The following TPR variants were observed in gnomAD, a reference collection of about 807,000 sequenced individuals.
TPR encodes nucleoprotein TPR.
TPR carries 51 observed loss-of-function variants against 316.1 expected under a neutral mutation model. The ratio of observed to expected loss-of-function variants is 0.16; its 90% CI spans 0.13 to 0.20. TPR has a LOEUF of 0.20. TPR is among the 10% of genes least tolerant of loss of function. TPR has a pLI of 1.00. For synonymous variants in TPR, 981 were observed against 914.7 expected, an observed-to-expected ratio of 1.07 and a Z score of -1.31; for missense variants, 2,272 against 2,754.8, an observed-to-expected ratio of 0.82 and a Z score of 3.92.
Position 186,341,155 on chromosome 1 carries a change from C to T in TPR, c.3893G>A (p.Arg1298Lys). 1.9e-6 allele frequency: 3 copies of T among 1,613,630 alleles called. No homozygotes were observed. Among genetic ancestry groups the T allele is most frequent in the Non-Finnish European group, 2.5e-6 (3 of 1,179,910 alleles). ...GGGTAAAATATCTAACTCCAGTTTC[C>T]TCACCTGAAAATCATGCCAATATTT... is the stretch of plus-strand genomic sequence containing the variant. Reference protein sequence around the residue: ...QDLQQMQAKVRKLELDILPLQ... With the variant: ...QDLQQMQAKVKKLELDILPLQ... Residue 1298 changes from arginine (R) to lysine (K), a missense_variant, in exon 29 of 51, where the codon AGG becomes AAG. Arg to Lys is a conservative substitution (Grantham distance 26). Transcript: ENST00000367478.
At chr1:186,326,019 T>C in intron 41 of TPR, 85 bp downstream of exon 41, 1 of 1,581,254 alleles carries the variant, frequency 6.3e-7, no homozygotes, top group Non-Finnish European at 8.6e-7. Flanking sequence ...GTGAATTTCA[T>C]AAGCCTTTCT....
In TPR at chr1:186,367,166, A is replaced by T. The variant is rs551601352; in HGVS notation, c.427+720T>A. Reference sequence around the variant, plus strand: ...ACTACAACCTCCGGCTCCTGGGTTTAAGCAATTCTCTGCCTCAGCCTACAA... The same window carrying T: ...ACTACAACCTCCGGCTCCTGGGTTTTAGCAATTCTCTGCCTCAGCCTACAA... On this transcript the variant is annotated intron_variant, in intron 4 of 50. Transcript: ENST00000367478. Among the ~76,000 whole-genome samples, 4 of 145,730 alleles carry T rather than the reference A, an allele frequency of 2.7e-5. No individual in the cohort carries two copies. In the East Asian group the frequency reaches 8.2e-4, roughly 30 times the overall value.
In TPR at chr1:186,323,737, G is replaced by T. The variant is rs1245547624; in HGVS notation, c.6246C>A (p.Pro2082=). Residue 2082 remains proline (P), a synonymous_variant, in exon 43 of 51, where the codon CCC becomes CCA. Transcript: ENST00000367478. ...GTGGGGCATGAATGGTCAGTCTTGG[G>T]GGAAGTGGATGTGGTGGGCGTCTCG... The part of the protein sequence containing the change: ...QSPRRPPHPL[P]PRLTIHAPPQ... 2 of 1,537,676 alleles carry T rather than the reference G, an allele frequency of 1.3e-6. No individual in the cohort carries two copies.
Position 186,320,331 on chromosome 1 carries a change from G to A in TPR, c.6549C>T (p.Gly2183=), listed in dbSNP as rs2102051452. ...PQTSSSHSDL[G]QLASQGGLGM... is the part of the protein sequence containing the mutation. ...ATTTACCTCCTTGAGAAGCAAGCTG[G>A]CCAAGATCAGAGTGACTAGAACTTG... is the stretch of plus-strand genomic sequence containing the variant. The change falls in exon 46 of 51, where the codon GGC becomes GGT. Residue 2183 remains glycine (G), a synonymous_variant. Coordinates refer to ENST00000367478, the MANE Select transcript of TPR (RefSeq NM_003292.3). 6.2e-7 allele frequency: 1 copy of A among 1,611,156 alleles called. No individual in the cohort carries two copies. Among genetic ancestry groups the A allele is most frequent in the East Asian group, 2.2e-5 (1 of 44,764 alleles).
At chr1:186,346,025 G>T in intron 23 of TPR, 110 bp downstream of exon 23, 1 of 1,280,176 alleles carries the variant, frequency 7.8e-7, no homozygotes, top group Non-Finnish European at 1.1e-6. Flanking sequence ...TTTTGCCTAT[G>T]TGTTCAATAA....
At chr1:186,374,662 T>C (rs1362422383) in intron 1 of TPR, among the ~76,000 whole-genome samples, 1 of 152,180 alleles carries the variant, frequency 6.6e-6, no homozygotes, top group Admixed American at 6.5e-5. Flanking sequence ...CTACCCTAAC[T>C]ACAAAGAAAA....
intron 31 of TPR, 23 bp downstream of exon 31, chr1:186,338,010 T>A: frequency 1.3e-6 from 2 of 1,532,316 alleles, no homozygotes; most frequent in African/African-American, 2.8e-5. Context: ...TTTTTTTTTG[T>A]AAGATAAGTT....
rs200120213 is a variant in TPR, at chr1:186,355,593, G to A, written c.2023-35C>T. 698 of 1,613,366 alleles carry A rather than the reference G, an allele frequency of 4.3e-4. 9 individuals carry two copies. The highest frequency in any genetic ancestry group is 2.5e-4 in the Admixed American group (15 of 59,862). Reference sequence around the variant, plus strand: ...GGAGATTATGAGAAGGTAACACTGTGTTCTCTAAAAACCTAACCCAGGACA... The same window carrying A: ...GGAGATTATGAGAAGGTAACACTGTATTCTCTAAAAACCTAACCCAGGACA... On this transcript the variant is annotated intron_variant, in intron 16 of 50. Coordinates refer to ENST00000367478, the MANE Select transcript of TPR (RefSeq NM_003292.3).
At chr1:186,372,749 A>G (rs1659574035) in intron 2 of TPR, among the ~76,000 whole-genome samples, 1 of 152,184 alleles carries the variant, frequency 6.6e-6, no homozygotes, top group African/African-American at 2.4e-5. Context: ...TCCTCCTAAG[A>G]AATGTCAGGA....
At chr1:186,338,317 TTA>T (rs1313736809) in intron 30 of TPR, 74 bp from the exon 31 acceptor site, 2 of 1,249,544 alleles carry the variant, frequency 1.6e-6, no homozygotes, top group Non-Finnish European at 2.2e-6. Flanking sequence ...CAATGTAACT[TTA>T]TGTTATACTG....
Position 186,375,064 on chromosome 1 carries a change from A to G in TPR, c.-36T>C, listed in dbSNP as rs1402515470. On this transcript the variant is annotated 5_prime_UTR_variant, in exon 1 of 51. Coordinates refer to ENST00000367478, the MANE Select transcript of TPR (RefSeq NM_003292.3). Reference sequence around the variant, plus strand: ...CCAGGGACCCCAGTGGCAGCGGCCGACGGGGTAGAAGCGGAGAAGAAAGGC... The same window carrying G: ...CCAGGGACCCCAGTGGCAGCGGCCGGCGGGGTAGAAGCGGAGAAGAAAGGC... The G allele has an allele frequency of 1.2e-6, 2 of 1,613,118 alleles. No individual in the cohort carries two copies. Among genetic ancestry groups the G allele is most frequent in the African/African-American group, 1.3e-5 (1 of 74,860 alleles).
In TPR at chr1:186,371,085, A is replaced by C. The variant is rs745716523; in HGVS notation, c.257-42T>G. 17 of 1,513,508 alleles carry C rather than the reference A, an allele frequency of 1.1e-5. No individual in the cohort carries two copies. In the South Asian group the frequency reaches 1.9e-4, roughly 17 times the overall value. 93.8% of individuals were successfully genotyped at this position (1,513,508 alleles called of 1,614,324 possible). ...TTATGAATACATACACATTTGCTTA[A>C]AACTTGCAATGAGTGTTTTTATGCA... is the stretch of plus-strand genomic sequence containing the variant. On this transcript the variant is annotated intron_variant, in intron 2 of 50. Coordinates refer to ENST00000367478, the MANE Select transcript of TPR (RefSeq NM_003292.3).
intron 23 of TPR, 146 bp downstream of exon 23, chr1:186,345,988 AG>A: frequency 3.6e-6 from 3 of 829,000 alleles, no homozygotes; most frequent in Non-Finnish European, 5.5e-6. Context: ...ATAGAGGTAC[AG>A]AAAAGAGTAA....
intron 39 of TPR, among the ~76,000 whole-genome samples, chr1:186,328,352 A>T (rs554788698): frequency 1.3e-5 from 2 of 152,332 alleles, no homozygotes; most frequent in East Asian, 3.9e-4. Context: ...AATATACTTA[A>T]CCAATATATC....
At chr1:186,360,981 C>A in intron 9 of TPR, 76 bp from the exon 10 acceptor site, 1 of 1,412,778 alleles carries the variant, frequency 7.1e-7, no homozygotes, top group South Asian at 1.3e-5. Context: ...ACAGATCAGT[C>A]ACTTCTCCCC....
At chr1:186,325,230 T>C (rs1174531224) in intron 42 of TPR, among the ~76,000 whole-genome samples, 1 of 152,204 alleles carries the variant, frequency 6.6e-6, no homozygotes, top group Non-Finnish European at 1.5e-5. Context: ...AATTATTTAA[T>C]ACACATTTCA....
Position 186,351,347 on chromosome 1 carries a change from G to A in TPR, c.2593C>T (p.Leu865Phe), listed in dbSNP as rs35220098. ...GGACTCACATCTAGATTTCTAGTAAGTGTATGCCTTTGTTCCACCTCATTT... is the reference window on the plus strand; with the variant it reads ...GGACTCACATCTAGATTTCTAGTAAATGTATGCCTTTGTTCCACCTCATTT... ...LENEVEQRHT[L>F]TRNLDVQLLD... Residue 865 changes from leucine (L) to phenylalanine (F), a missense_variant, in exon 20 of 51, where the codon CTT (leucine) becomes TTT (phenylalanine). By Grantham distance (22) the Leu-to-Phe change is conservative. Around this residue, in one of 10 missense-constraint regions of TPR, gnomAD observed 757 missense variants for 859.8 expected, o/e 0.88. Coordinates refer to ENST00000367478, the MANE Select transcript of TPR (RefSeq NM_003292.3). The A allele has an allele frequency of 5.6e-4, 901 of 1,610,570 alleles. 8 individuals carry two copies. The African/African-American group carries it at 0.011, about 19-fold the overall frequency.
intron 4 of TPR, among the ~76,000 whole-genome samples, chr1:186,366,764 A>C (rs1161026827): frequency 2.0e-5 from 3 of 152,148 alleles, no homozygotes; most frequent in African/African-American, 7.2e-5. Context: ...AGACCTATTA[A>C]AATTTTATAA....
At chr1:186,362,664 C>T (rs1481632952) in intron 6 of TPR, among the ~76,000 whole-genome samples, 173 bp downstream of exon 6, 2 of 151,944 alleles carry the variant, frequency 1.3e-5, no homozygotes, top group Non-Finnish European at 1.5e-5. Flanking sequence ...ATCTTAAATT[C>T]TTTATGTAAA....
Sources: allele counts gnomAD v4.1 joint callset (sites outside exome capture counted in the v4.1 genomes callset), GRCh38; gene constraint gnomAD v4.1.1; regional missense constraint gnomAD v4.1.1; transcripts MANE v1.5; gene names NCBI Gene and HGNC (gene_info 2026-07-23, HGNC 2026-07-21).